The following PTPRJ variants were observed in gnomAD, a reference collection of about 807,000 sequenced individuals.
The protein encoded by PTPRJ is receptor-type tyrosine-protein phosphatase eta.
Under a neutral mutation model 141.3 loss-of-function variants are expected in PTPRJ, and 129 were observed. The observed-to-expected ratio is 0.91, with a 90% confidence interval of 0.79 to 1.06. PTPRJ has a LOEUF of 1.06. Ranked by LOEUF, PTPRJ falls within the 50% of genes least tolerant of loss-of-function variation. The pLI, the probability that PTPRJ is intolerant of heterozygous loss-of-function variation, is 0.00. For synonymous variants in PTPRJ, 610 were observed against 640.5 expected, an observed-to-expected ratio of 0.95 and a Z score of 0.72; for missense variants, 1,601 against 1,679.7, an observed-to-expected ratio of 0.95 and a Z score of 0.82.
chr11:48,133,028 C>A (rs1025614945), intron 8 of PTPRJ, among the ~76,000 whole-genome samples: 2 of 152,152 alleles, frequency 1.3e-5, no homozygotes, highest in African/African-American at 4.8e-5. Flanking sequence ...TTGCTATTGC[C>A]CAGAACTTAC....
At chr11:48,072,269 G>A (rs569959989) in intron 1 of PTPRJ, among the ~76,000 whole-genome samples, 1 of 152,290 alleles carries the variant, frequency 6.6e-6, no homozygotes, top group East Asian at 1.9e-4. Flanking sequence ...GGGAAGTCTC[G>A]TATCAAGGTG....
intron 1 of PTPRJ, among the ~76,000 whole-genome samples, chr11:48,077,253 G>A (rs1461604236): frequency 6.6e-6 from 1 of 152,098 alleles, no homozygotes; most frequent in Non-Finnish European, 1.5e-5. Flanking sequence ...GCCTTAACTT[G>A]TATGTAACAT....
intron 8 of PTPRJ, among the ~76,000 whole-genome samples, chr11:48,132,914 CT>C (rs1379994168): frequency 6.6e-6 from 1 of 152,210 alleles, no homozygotes; most frequent in Non-Finnish European, 1.5e-5. Flanking sequence ...GCATTTCAGA[CT>C]GTTGACATGA....
At chr11:48,105,410 T>C (rs1293809911) in intron 1 of PTPRJ, among the ~76,000 whole-genome samples, 1 of 152,108 alleles carries the variant, frequency 6.6e-6, no homozygotes, top group Non-Finnish European at 1.5e-5. Flanking sequence ...GGAGAGCTCC[T>C]AGGGGCTGGA....
chr11:48,013,934 T>C (rs1395719465), intron 1 of PTPRJ, among the ~76,000 whole-genome samples: 1 of 152,166 alleles, frequency 6.6e-6, no homozygotes, highest in Non-Finnish European at 1.5e-5. Context: ...TTGGCTTTGC[T>C]GAAGTTGGGC....
chr11:48,165,787 A>G (rs929860119), intron 24 of PTPRJ, among the ~76,000 whole-genome samples: 3 of 152,138 alleles, frequency 2.0e-5, no homozygotes, highest in Non-Finnish European at 4.4e-5. Flanking sequence ...CCCTGCTACT[A>G]GAGTCTAATC....
At chr11:48,132,285 C>G (rs929046018) in intron 8 of PTPRJ, 1 of 984,520 alleles carries the variant, frequency 1.0e-6, no homozygotes, top group Non-Finnish European at 1.2e-6. Context: ...CCCATCGTCC[C>G]AGCTACTTGA....
rs1450731390 is a variant in PTPRJ, at chr11:48,149,975, C to T, written c.3042-15C>T. ...TTCTAATTGCATATTTTTTCTTTCC[C>T]TTTCTATCATGAAGACCTAAAAAGT... is the stretch of plus-strand genomic sequence containing the variant. On this transcript the variant is annotated splice_polypyrimidine_tract_variant and intron_variant, in intron 16 of 24. Coordinates refer to ENST00000418331, the MANE Select transcript of PTPRJ (RefSeq NM_002843.4). The T allele has an allele frequency of 2.1e-6, 3 of 1,445,908 alleles. No individual in the cohort carries two copies. Among genetic ancestry groups the T allele is most frequent in the African/African-American group, 1.4e-5 (1 of 70,088 alleles). 89.6% of individuals were successfully genotyped at this position (1,445,908 alleles called of 1,614,324 possible).
Position 48,137,105 on chromosome 11 carries a change from T to G in PTPRJ, c.1976T>G (p.Leu659Arg), listed in dbSNP as rs1172593938. 6.2e-7 allele frequency: 1 copy of G among 1,609,810 alleles called. No individual in the cohort carries two copies. The highest frequency in any genetic ancestry group is 8.5e-7 in the Non-Finnish European group (1 of 1,176,150). Residue 659 changes from leucine (L) to arginine (R), a missense_variant, in exon 10 of 25, where the codon CTT becomes CGT. By Grantham distance (102) the Leu-to-Arg change is moderately radical. Transcript: ENST00000418331. ...DDASPTYSYC[L>R]LIEKAGNSSN... ...GCCTCTCCCACGTACTCCTACTGCC[T>G]TCTTATTGAGAAGGCTGGAAATTCC...
intron 1 of PTPRJ, among the ~76,000 whole-genome samples, chr11:48,030,730 G>A (rs1853957444): frequency 6.6e-6 from 1 of 152,062 alleles, no homozygotes; most frequent in Non-Finnish European, 1.5e-5. Context: ...GCAACAGAGC[G>A]AGACTCTGTC....
intron 1 of PTPRJ, among the ~76,000 whole-genome samples, chr11:48,062,169 G>A (rs2134261508): frequency 6.6e-6 from 1 of 151,566 alleles, no homozygotes; most frequent in East Asian, 2.0e-4. Flanking sequence ...AAAGTGCTGG[G>A]ACTACAGGCA....
intron 1 of PTPRJ, among the ~76,000 whole-genome samples, chr11:48,045,388 T>A (rs1404074283): frequency 6.6e-6 from 1 of 152,166 alleles, no homozygotes; most frequent in African/African-American, 2.4e-5. Flanking sequence ...GAGTGGGCCC[T>A]GAGAGTGATC....
chr11:48,116,125 T>A (rs562534157), intron 3 of PTPRJ, among the ~76,000 whole-genome samples: 33 of 148,830 alleles, frequency 2.2e-4, no homozygotes, highest in Non-Finnish European at 4.1e-4. Flanking sequence ...ATAGAGTGCG[T>A]GAATGGGTTA....
chr11:48,045,081 A>G (rs538744332), intron 1 of PTPRJ, among the ~76,000 whole-genome samples: 1 of 152,238 alleles, frequency 6.6e-6, no homozygotes, highest in South Asian at 2.1e-4. Flanking sequence ...TTCCCCCGTA[A>G]TTATGGGATT....
intron 1 of PTPRJ, among the ~76,000 whole-genome samples, chr11:48,026,671 A>G (rs955857978): frequency 5.3e-5 from 8 of 152,008 alleles, no homozygotes; most frequent in African/African-American, 1.7e-4. Context: ...GATGGTCTCC[A>G]TCTCCTGACC....
At chr11:48,141,060 T>A (rs1857219199) in intron 11 of PTPRJ, among the ~76,000 whole-genome samples, 1 of 152,136 alleles carries the variant, frequency 6.6e-6, no homozygotes, top group Non-Finnish European at 1.5e-5. Flanking sequence ...GAGAACAGGC[T>A]GGGCGTGGTG....
intron 18 of PTPRJ, among the ~76,000 whole-genome samples, chr11:48,153,005 C>G (rs1415501873): frequency 1.3e-5 from 2 of 152,134 alleles, no homozygotes; most frequent in East Asian, 1.9e-4. Context: ...TAACCCATAT[C>G]ACCTCTACAT....
intron 3 of PTPRJ, among the ~76,000 whole-genome samples, chr11:48,117,060 C>T (rs1253207538): frequency 6.6e-6 from 1 of 152,224 alleles, no homozygotes; most frequent in African/African-American, 2.4e-5. Flanking sequence ...CCATCTCCCA[C>T]AGTAACTATT....
chr11:48,025,420 G>T (rs1853780971), intron 1 of PTPRJ, among the ~76,000 whole-genome samples: 1 of 152,242 alleles, frequency 6.6e-6, no homozygotes, highest in South Asian at 2.1e-4. Context: ...ATGCCTGCTG[G>T]CCTCTGAGCA....
Sources: gnomAD v4.1 joint callset for allele counts (sites outside exome capture counted in the v4.1 genomes callset) on GRCh38, gnomAD v4.1.1 for gene constraint, MANE v1.5 for transcripts, NCBI Gene and HGNC (gene_info 2026-07-23, HGNC 2026-07-21) for gene names.